Variants in DYSF observed in about 807,000 individuals in gnomAD.
The protein encoded by DYSF is dystrophy-associated fer-1-like 1.
In DYSF, 212 loss-of-function variants were observed where a neutral mutation model predicts 274.9. The observed-to-expected ratio is 0.77, with a 90% CI of 0.69 to 0.86. DYSF has a LOEUF of 0.86. DYSF is among the 40% of genes least tolerant of loss of function. The pLI, the probability that DYSF is intolerant of heterozygous loss-of-function variation, is 0.00. For synonymous variants in DYSF, 1,091 were observed against 1,078.7 expected (o/e 1.01, Z -0.22); for missense variants, 2,666 against 2,783.2 (o/e 0.96, Z 0.95).
At chr2:71,648,703 TAAAG>T (rs1174472448) in intron 42 of DYSF, among the ~76,000 whole-genome samples, 1 of 152,194 alleles carries the variant, frequency 6.6e-6, no homozygotes, top group Non-Finnish European at 1.5e-5. Flanking sequence ...ACTTTAGAGA[TAAAG>T]AAATAATTCT....
At chr2:71,464,171 G>A (rs1337261639), upstream of DYSF, among the ~76,000 whole-genome samples, 1 of 152,212 alleles carries the variant, frequency 6.6e-6, no homozygotes, top group Non-Finnish European at 1.5e-5. Flanking sequence ...CCTGAGGGCA[G>A]GGATGTGACT....
chr2:71,471,576 A>T (rs2082034556), intron 1 of DYSF, among the ~76,000 whole-genome samples: 1 of 152,248 alleles, frequency 6.6e-6, no homozygotes, highest in Non-Finnish European at 1.5e-5. Flanking sequence ...CACCCAGGTC[A>T]AACAGGTCAA....
chr2:71,598,496 T>C, intron 32 of DYSF, 68 bp from the exon 33 acceptor site: 3 of 1,585,158 alleles, frequency 1.9e-6, no homozygotes, highest in Non-Finnish European at 2.6e-6. Context: ...CCCACATGGC[T>C]CTGGAGAAGA....
chr2:71,517,932 G>T (rs1040624296), intron 10 of DYSF, among the ~76,000 whole-genome samples: 2 of 152,248 alleles, frequency 1.3e-5, no homozygotes, highest in South Asian at 4.1e-4. Context: ...TTGTAATTTG[G>T]ATTTTCCCCC....
At chr2:71,538,242 G>T (rs1187306871) in intron 16 of DYSF, among the ~76,000 whole-genome samples, 1 of 152,198 alleles carries the variant, frequency 6.6e-6, no homozygotes, top group South Asian at 2.1e-4. Context: ...CTCTTAGTAC[G>T]TGCTCAATAA....
chr2:71,676,921 G>C (rs2095231833), intron 52 of DYSF, among the ~76,000 whole-genome samples: 1 of 89,890 alleles, frequency 1.1e-5, no homozygotes, highest in Admixed American at 1.5e-4. Flanking sequence ...CTGAGATAAT[G>C]TGTGTGTATG....
chr2:71,506,101 C>T (rs747363801), intron 4 of DYSF, among the ~76,000 whole-genome samples: 10 of 152,142 alleles, frequency 6.6e-5, no homozygotes, highest in Non-Finnish European at 1.2e-4. Flanking sequence ...CTTGTCCACA[C>T]GGGACACATG....
intron 52 of DYSF, among the ~76,000 whole-genome samples, chr2:71,677,903 A>G (rs2095246728): frequency 6.6e-6 from 1 of 152,246 alleles, no homozygotes; most frequent in Non-Finnish European, 1.5e-5. Flanking sequence ...GTTCACTGCA[A>G]CATTATTCAT....
chr2:71,570,319 G>C lies in DYSF; in HGVS notation c.3070G>C (p.Ala1024Pro), dbSNP rs2092344848. 13 of 1,613,950 alleles carry C rather than the reference G, an allele frequency of 8.1e-6. No individual in the cohort carries two copies. Among genetic ancestry groups the C allele is most frequent in the East Asian group, 4.5e-5 (2 of 44,888 alleles). The change falls in exon 28 of 56, where the codon GCT becomes CCT. Residue 1024 changes from alanine (A) to proline (P), a missense_variant. This residue lies in a region of DYSF where 1,460 missense variants were observed against 1,502.1 expected (regional missense o/e 0.97). Transcript: ENST00000410020. The part of the protein sequence containing the change: ...DEEWSTDLNR[A>P]VDEQGWEYSI... ...GGAATGGTCCACAGACCTCAACCGG[G>C]CTGTCGATGAGCAAGGTGGGCAGCA...
At position 71,526,326 on chromosome 2, in the gene DYSF, G is replaced by A. The variant is rs776036392; in HGVS notation, c.1256G>A (p.Arg419Gln). The change falls in exon 13 of 56, where the codon CGG becomes CAG. Residue 419 changes from arginine to glutamine, a missense_variant. By Grantham distance (43) the Arg-to-Gln change is conservative. Around this residue, in one of 3 missense-constraint regions of DYSF, gnomAD observed 794 missense variants for 777.1 expected, o/e 1.02. Coordinates refer to ENST00000410020, the MANE Select transcript of DYSF (RefSeq NM_001130987.2). ...RGAHFCLKVF[R>Q]AEDLPQMDDA... The stretch of plus-strand genomic sequence containing the variant: ...GCCCACTTCTGCCTGAAGGTCTTCC[G>A]GGCCGAGGACTTGCCGCAGAGTGCG... 39 of 1,613,978 alleles carry A rather than the reference G, an allele frequency of 2.4e-5. No homozygotes were observed. In the East Asian group the frequency reaches 3.3e-4, roughly 14 times the overall value.
chr2:71,541,936 C>T (rs182153330), intron 17 of DYSF, among the ~76,000 whole-genome samples: 2 of 152,196 alleles, frequency 1.3e-5, no homozygotes, highest in African/African-American at 4.8e-5. Context: ...GGACACTTTC[C>T]ATTGAATTTT....
chr2:71,573,932 C>G (rs1307043413), intron 29 of DYSF, among the ~76,000 whole-genome samples: 1 of 152,178 alleles, frequency 6.6e-6, no homozygotes, highest in Non-Finnish European at 1.5e-5. Flanking sequence ...AAGCAATTCT[C>G]CTGCCTCAGC....
At chr2:71,563,663 G>C (rs2091915274) in intron 23 of DYSF, among the ~76,000 whole-genome samples, 1 of 152,178 alleles carries the variant, frequency 6.6e-6, no homozygotes, top group South Asian at 2.1e-4. Context: ...GGTGTCCTAG[G>C]CGTAATGTTA....
rs1486434856 is a variant in DYSF at position 71,466,796 on chromosome 2, G to A, written c.-47G>A. On this transcript the variant is annotated 5_prime_UTR_variant, in exon 1 of 56. Transcript: ENST00000410020. Reference sequence around the variant, plus strand: ...GTGGGTGCTCGGGCCCGGTGCTCCCGCTCCCGCCCTGACTGCGCGCCTGTG... The same window carrying A: ...GTGGGTGCTCGGGCCCGGTGCTCCCACTCCCGCCCTGACTGCGCGCCTGTG... 4.5e-5 allele frequency: 66 copies of A among 1,460,372 alleles called. No homozygotes were observed. The highest frequency in any genetic ancestry group is 5.8e-5 in the Non-Finnish European group (63 of 1,092,454). The allele number at this position is 1,460,372 out of a possible 1,614,324, so 90.5% of individuals were successfully genotyped here. A position where few individuals can be genotyped will look rare whatever the true frequency, so the allele number is the denominator to read the frequency against.
At chr2:71,472,224 G>A (rs1185425435) in intron 1 of DYSF, among the ~76,000 whole-genome samples, 1 of 152,018 alleles carries the variant, frequency 6.6e-6, no homozygotes, top group Non-Finnish European at 1.5e-5. Flanking sequence ...TATTTCCTTT[G>A]GGTAAATACC....
intron 3 of DYSF, among the ~76,000 whole-genome samples, chr2:71,496,802 T>C (rs2084446318): frequency 6.6e-6 from 1 of 152,092 alleles, no homozygotes; most frequent in Non-Finnish European, 1.5e-5. Context: ...ACAAAAAACA[T>C]AGTTTGGCAT....
At chr2:71,538,366 G>A (rs1430087320) in intron 16 of DYSF, among the ~76,000 whole-genome samples, 2 of 152,176 alleles carry the variant, frequency 1.3e-5, no homozygotes, top group African/African-American at 4.8e-5. Context: ...ACCTCCTTGA[G>A]CTCCTGGCCA....
chr2:71,623,683 A>C (rs2094151598), intron 41 of DYSF, among the ~76,000 whole-genome samples: 1 of 152,178 alleles, frequency 6.6e-6, no homozygotes, highest in Non-Finnish European at 1.5e-5. Flanking sequence ...ACTTGCAAAA[A>C]AAAAATCTGA....
At chr2:71,470,025 A>T (rs1186665405) in intron 1 of DYSF, among the ~76,000 whole-genome samples, 1 of 152,170 alleles carries the variant, frequency 6.6e-6, no homozygotes, top group Non-Finnish European at 1.5e-5. Flanking sequence ...CCAGATCCCT[A>T]CTGCTTTAAA....
Sources: gnomAD v4.1 joint callset for allele counts (sites outside exome capture counted in the v4.1 genomes callset) on GRCh38, gnomAD v4.1.1 for gene constraint, gnomAD v4.1.1 regional missense constraint, MANE v1.5 for transcripts, NCBI Gene and HGNC (gene_info 2026-07-23, HGNC 2026-07-21) for gene names.